The following SHQ1 variants were observed in gnomAD, a reference collection of about 807,000 sequenced individuals.
SHQ1 encodes the protein SHQ1, H/ACA ribonucleoprotein assembly factor.
SHQ1 carries 49 observed loss-of-function variants against 53.8 expected under a neutral mutation model. That is an observed-to-expected ratio of 0.91 (90% CI 0.72 to 1.16). The LOEUF is 1.16. SHQ1 is among the 50% of genes most tolerant of loss of function. SHQ1 has a pLI of 0.00. For synonymous variants in SHQ1, 243 were observed against 251.0 expected (o/e 0.97, Z 0.30); for missense variants, 738 against 683.1 (o/e 1.08, Z -0.90).
At chr3:72,815,274 A>G in intron 8 of SHQ1, 76 bp downstream of exon 8, 1 of 1,200,574 alleles carries the variant, frequency 8.3e-7, no homozygotes, top group Non-Finnish European at 1.2e-6. Flanking sequence ...TGCTTGAATT[A>G]CCCCAAATGA....
chr3:72,733,739 G>C, the SHQ1 span, among the ~76,000 whole-genome samples: 1 of 151,718 alleles, frequency 6.6e-6, no homozygotes, highest in African/African-American at 2.4e-5. Flanking sequence ...AGCAGGCGAA[G>C]TGTGTCCTTC....
chr3:72,844,437 A>AC lies in SHQ1; in HGVS notation c.144-15dup. ...GGAAGGGTTAATCTGCAGATTTAAC[A>AC]CAGGTCTCATGAAGTCCTTAAATTA... On this transcript the variant is annotated splice_polypyrimidine_tract_variant and intron_variant, in intron 1 of 10. Transcript: ENST00000325599. 6.2e-7 allele frequency: 1 copy of AC among 1,610,904 alleles called. No individual in the cohort carries two copies. The highest frequency in any genetic ancestry group is 1.1e-5 in the South Asian group (1 of 91,000).
At chr3:72,832,263 T>G in intron 5 of SHQ1, 106 bp downstream of exon 5, 1 of 764,028 alleles carries the variant, frequency 1.3e-6, no homozygotes, top group Non-Finnish European at 2.2e-6. Flanking sequence ...CATCAATAAT[T>G]TCTGGAATCC....
At chr3:72,731,766 G>A in the SHQ1 span, among the ~76,000 whole-genome samples, 1 of 151,452 alleles carries the variant, frequency 6.6e-6, no homozygotes, top group East Asian at 1.9e-4. Flanking sequence ...TATGGCCTCA[G>A]TGCCCTGGTT....
downstream of SHQ1, among the ~76,000 whole-genome samples, chr3:72,748,436 A>T (rs1705295483): frequency 1.3e-5 from 2 of 151,072 alleles, no homozygotes; most frequent in East Asian, 3.9e-4. Flanking sequence ...CATGCCTGTA[A>T]TCCCAGCACT....
chr3:72,763,921 T>C (rs964555757), intron 10 of SHQ1, among the ~76,000 whole-genome samples: 30 of 151,254 alleles, frequency 2.0e-4, no homozygotes, highest in Admixed American at 1.1e-3. Context: ...CCTTAGGAAA[T>C]GAATATAGAA....
chr3:72,820,861 A>G (rs1575721973), intron 6 of SHQ1, among the ~76,000 whole-genome samples: 1 of 152,324 alleles, frequency 6.6e-6, no homozygotes, highest in Non-Finnish European at 1.5e-5. Context: ...ACCTCCCAAC[A>G]TCAAAAACCC....
At chr3:72,802,354 A>T (rs1011945753) in intron 9 of SHQ1, among the ~76,000 whole-genome samples, 1 of 152,112 alleles carries the variant, frequency 6.6e-6, no homozygotes, top group Non-Finnish European at 1.5e-5. Flanking sequence ...ACCCTTCTCA[A>T]TGACTCTATC....
chr3:72,781,576 G>A (rs1203945643), intron 10 of SHQ1, among the ~76,000 whole-genome samples: 1 of 152,138 alleles, frequency 6.6e-6, no homozygotes, highest in Non-Finnish European at 1.5e-5. Flanking sequence ...TTACAGAGCA[G>A]AAAGAAGAGA....
At chr3:72,751,739 G>T in intron 10 of SHQ1, among the ~76,000 whole-genome samples, 1 of 151,678 alleles carries the variant, frequency 6.6e-6, no homozygotes, top group African/African-American at 2.4e-5. Flanking sequence ...TTTTTTATTG[G>T]CAAATACCCA....
intron 10 of SHQ1, among the ~76,000 whole-genome samples, chr3:72,787,864 G>A (rs573307736): frequency 9.0e-4 from 137 of 152,288 alleles, no homozygotes; most frequent in African/African-American, 3.1e-3. Context: ...GCAGGCGTGC[G>A]CCGCCACGCC....
chr3:72,732,376 G>A, the SHQ1 span, among the ~76,000 whole-genome samples: 1 of 100,078 alleles, frequency 1.0e-5, no homozygotes, highest in Non-Finnish European at 2.1e-5. Flanking sequence ...CTGCCTGCCT[G>A]CCTGCCTGCC....
At chr3:72,846,140 T>A in intron 1 of SHQ1, 1 of 1,404,050 alleles carries the variant, frequency 7.1e-7, no homozygotes, top group Non-Finnish European at 9.7e-7. Flanking sequence ...TGAGCTATTA[T>A]TACCAGCTCC....
At chr3:72,747,716 G>A (rs149448114), downstream of SHQ1, among the ~76,000 whole-genome samples, 972 of 152,288 alleles carry the variant, frequency 6.4e-3, 13 homozygotes, top group Non-Finnish European at 9.8e-3. Flanking sequence ...GGCTGGGTGC[G>A]GTGGCTCATG....
At chr3:72,729,704 G>A in the SHQ1 span, among the ~76,000 whole-genome samples, 2 of 152,136 alleles carry the variant, frequency 1.3e-5, no homozygotes, top group Non-Finnish European at 2.9e-5. Flanking sequence ...GCATGAGAAA[G>A]CACAGCCAAT....
the SHQ1 span, among the ~76,000 whole-genome samples, chr3:72,730,082 T>C: frequency 6.6e-6 from 1 of 152,120 alleles, no homozygotes; most frequent in Non-Finnish European, 1.5e-5. Flanking sequence ...CTTCCCAAAG[T>C]GCTGGAATTA....
chr3:72,762,399 A>G (rs1705630145), intron 10 of SHQ1, among the ~76,000 whole-genome samples: 1 of 152,150 alleles, frequency 6.6e-6, no homozygotes, highest in Admixed American at 6.5e-5. Flanking sequence ...ACTGTTTTAC[A>G]TTTTTGCCAG....
Position 72,751,495 on chromosome 3 carries a change from T to TAC in SHQ1, c.1182-660_1182-659insGT, listed in dbSNP as rs1559657341. Among the ~76,000 whole-genome samples the TAC allele has an allele frequency of 8.2e-4, 102 of 123,768 alleles. 2 individuals are homozygous for TAC. Among genetic ancestry groups the TAC allele is most frequent in the African/African-American group, 3.6e-3 (88 of 24,138 alleles). 81.2% of individuals were successfully genotyped at this position (123,768 alleles called of 152,430 possible). A position where few individuals can be genotyped will look rare whatever the true frequency, so the allele number is the denominator to read the frequency against. On this transcript the variant is annotated intron_variant, in intron 10 of 10. Transcript: ENST00000325599. ...GCACATATGTGTGTGTGTGTGTGTGTGTGTGTGTGTGTGTATATATATATA... is the reference window on the plus strand; with the variant it reads ...GCACATATGTGTGTGTGTGTGTGTGTACGTGTGTGTGTGTGTATATATATATA...
chr3:72,799,921 T>G (rs1706734855), intron 9 of SHQ1, among the ~76,000 whole-genome samples: 1 of 152,142 alleles, frequency 6.6e-6, no homozygotes, highest in African/African-American at 2.4e-5. Context: ...GAAACAGGGT[T>G]CTAACTCTTC....
Sources: gnomAD v4.1 joint callset for allele counts (sites outside exome capture counted in the v4.1 genomes callset) on GRCh38, gnomAD v4.1.1 for gene constraint, MANE v1.5 for transcripts, NCBI Gene and HGNC (gene_info 2026-07-23, HGNC 2026-07-21) for gene names.